The following WWOX variants were observed in gnomAD, a reference collection of about 807,000 sequenced individuals.
WWOX encodes the protein WW domain-containing oxidoreductase.
In WWOX, 69 loss-of-function variants were observed where a neutral mutation model predicts 46.2. That is an observed-to-expected ratio of 1.49 (90% CI 1.23 to 1.82). The LOEUF (loss-of-function observed/expected upper bound fraction) is 1.82. WWOX is among the 40% of genes most tolerant of loss of function. The pLI is 0.00. For synonymous variants in WWOX, 359 were observed against 202.6 expected (o/e 1.77, Z -6.56); for missense variants, 919 against 542.6 (o/e 1.69, Z -6.89).
At chr16:79,035,870 C>T (rs1000415468) in intron 8 of WWOX, among the ~76,000 whole-genome samples, 21 of 152,356 alleles carry the variant, frequency 1.4e-4, no homozygotes, top group Admixed American at 4.6e-4. Context: ...GATGGGATTA[C>T]AGGCGTGAGC....
At chr16:78,595,309 C>A (rs528629283) in intron 8 of WWOX, among the ~76,000 whole-genome samples, 72 of 151,382 alleles carry the variant, frequency 4.8e-4, no homozygotes, top group African/African-American at 1.7e-3. Flanking sequence ...CCTCCTTTTT[C>A]CTGAATATGG....
chr16:79,022,932 A>G (rs1361603250), intron 8 of WWOX, among the ~76,000 whole-genome samples: 1 of 152,208 alleles, frequency 6.6e-6, no homozygotes, highest in African/African-American at 2.4e-5. Flanking sequence ...TGAAAAATGC[A>G]TCTGCTAATA....
At chr16:78,461,941 G>A (rs1294196550) in intron 8 of WWOX, among the ~76,000 whole-genome samples, 3 of 152,190 alleles carry the variant, frequency 2.0e-5, no homozygotes, top group Non-Finnish European at 4.4e-5. Context: ...CAATCAGCTA[G>A]AGCCAGCAGT....
At chr16:78,671,242 G>T (rs2047456252) in intron 8 of WWOX, among the ~76,000 whole-genome samples, 1 of 152,052 alleles carries the variant, frequency 6.6e-6, no homozygotes, top group Non-Finnish European at 1.5e-5. Flanking sequence ...GGGCAACAAG[G>T]CGAGACCCCG....
At chr16:78,792,152 TG>T (rs1195744318) in intron 8 of WWOX, among the ~76,000 whole-genome samples, 1 of 152,106 alleles carries the variant, frequency 6.6e-6, no homozygotes, top group Middle Eastern at 3.2e-3. Flanking sequence ...TAGACCTCAG[TG>T]GCCCGCAGCA....
chr16:78,361,840 C>A (rs1304354808), intron 5 of WWOX, among the ~76,000 whole-genome samples: 3 of 151,964 alleles, frequency 2.0e-5, no homozygotes, highest in African/African-American at 7.3e-5. Flanking sequence ...TCAAACTCCT[C>A]TTCTCTGGTG....
chr16:78,869,200 C>T (rs573799626), intron 8 of WWOX, among the ~76,000 whole-genome samples: 1 of 152,218 alleles, frequency 6.6e-6, no homozygotes, highest in South Asian at 2.1e-4. Context: ...GTTCTGTGGA[C>T]TCTGTGGTGG....
At position 79,011,619 on chromosome 16, in the gene WWOX, A is replaced by G. The variant is rs141612099; in HGVS notation, c.1057-199989A>G. 6.1e-3 allele frequency among the ~76,000 whole-genome samples: 928 copies of G among 151,404 alleles called. 29 individuals are homozygous for G. The South Asian group carries it at 0.1, about 17-fold the overall frequency. On this transcript the variant is annotated intron_variant, in intron 8 of 8. Coordinates refer to ENST00000566780, the MANE Select transcript of WWOX (RefSeq NM_016373.4). ...TCGATCCTCCCACTTCAGCCTCCCA[A>G]GTAACTGGGACTACTGTGATGTGCC...
rs117857597 is a variant in WWOX, at chr16:78,825,057, A to G, written c.1057-386551A>G. Among the ~76,000 whole-genome samples the G allele has an allele frequency of 1.4e-3, 217 of 152,238 alleles. 2 individuals carry two copies. In the East Asian group the frequency reaches 0.021, roughly 15 times the overall value. The stretch of plus-strand genomic sequence containing the variant: ...CCCCTAAACCCTACAAGGCTAGGGG[A>G]AAATGGTAATACTCATGAACAACTC... On this transcript the variant is annotated intron_variant, in intron 8 of 8. Transcript: ENST00000566780.
At chr16:78,406,176 G>C (rs2151946605) in intron 6 of WWOX, among the ~76,000 whole-genome samples, 1 of 151,100 alleles carries the variant, frequency 6.6e-6, no homozygotes, top group East Asian at 2.0e-4. Context: ...CAAAATCACT[G>C]CGTCAGTTTA....
intron 8 of WWOX, among the ~76,000 whole-genome samples, chr16:79,111,115 C>G (rs1463877738): frequency 2.0e-5 from 3 of 152,076 alleles, no homozygotes. Flanking sequence ...TGTCCCAAGA[C>G]TCAATGGCAG....
intron 8 of WWOX, among the ~76,000 whole-genome samples, chr16:78,829,157 C>A (rs911551934): frequency 3.9e-5 from 6 of 151,912 alleles, no homozygotes; most frequent in Non-Finnish European, 8.8e-5. Flanking sequence ...GATAGGCAGA[C>A]AGATAGCTAG....
intron 5 of WWOX, among the ~76,000 whole-genome samples, chr16:78,358,023 A>T (rs1486121529): frequency 6.6e-6 from 1 of 152,212 alleles, no homozygotes; most frequent in African/African-American, 2.4e-5. Flanking sequence ...GCTGGGTAGA[A>T]CACACATAAT....
chr16:78,491,446 T>C (rs1218884687), intron 8 of WWOX, among the ~76,000 whole-genome samples: 1 of 152,174 alleles, frequency 6.6e-6, no homozygotes, highest in African/African-American at 2.4e-5. Flanking sequence ...TAAGCTCCAG[T>C]GGTACTCGAT....
chr16:79,044,000 T>G (rs531494056), intron 8 of WWOX, among the ~76,000 whole-genome samples: 3 of 152,228 alleles, frequency 2.0e-5, no homozygotes, highest in Admixed American at 6.5e-5. Context: ...TCTCATTGAT[T>G]AGGCCTGAGT....
intron 8 of WWOX, among the ~76,000 whole-genome samples, chr16:78,939,339 G>T (rs778029248): frequency 6.6e-6 from 1 of 152,224 alleles, no homozygotes; most frequent in Non-Finnish European, 1.5e-5. Flanking sequence ...GTCCCTTACA[G>T]ATGATGCCCA....
chr16:78,853,635 G>A (rs1001857965), intron 8 of WWOX, among the ~76,000 whole-genome samples: 2 of 151,994 alleles, frequency 1.3e-5, no homozygotes, highest in Non-Finnish European at 2.9e-5. Flanking sequence ...GTAGTACTTC[G>A]CCTTTCCCTG....
intron 4 of WWOX, among the ~76,000 whole-genome samples, chr16:78,119,491 G>C (rs916138735): frequency 6.6e-6 from 1 of 152,134 alleles, no homozygotes; most frequent in Non-Finnish European, 1.5e-5. Flanking sequence ...GCCTAAATGT[G>C]GGACCACCTA....
At chr16:78,664,561 T>C (rs111325831) in intron 8 of WWOX, among the ~76,000 whole-genome samples, 14 of 152,302 alleles carry the variant, frequency 9.2e-5, no homozygotes, top group African/African-American at 3.1e-4. Flanking sequence ...ACTTAAAATG[T>C]GAGCAGAGTG....
Sources: allele counts gnomAD v4.1 joint callset (sites outside exome capture counted in the v4.1 genomes callset), GRCh38; gene constraint gnomAD v4.1.1; transcripts MANE v1.5; gene names NCBI Gene and HGNC (gene_info 2026-07-23, HGNC 2026-07-21).